The following DIP2C variants were observed in gnomAD, a reference collection of about 807,000 sequenced individuals.
The protein encoded by DIP2C is disco-interacting protein 2 homolog C.
DIP2C carries 33 observed loss-of-function variants against 192.4 expected under a neutral mutation model. That is an observed-to-expected ratio of 0.17 (90% confidence interval 0.13 to 0.23). The LOEUF (loss-of-function observed/expected upper bound fraction) is 0.23, where lower values mean the gene tolerates loss of function less well. Ranked by LOEUF, DIP2C falls within the 10% of genes least tolerant of loss-of-function variation. DIP2C has a pLI of 1.00. For synonymous variants in DIP2C, 979 were observed against 864.1 expected, an observed-to-expected ratio of 1.13 and a Z score of -2.33; for missense variants, 1,537 against 2,110.1, an observed-to-expected ratio of 0.73 and a Z score of 5.32.
chr10:591,830 A>G lies in DIP2C; in HGVS notation c.85+97664T>C, dbSNP rs539726359. ...AGAACTTCCACAGGATGAAACAGGG[A>G]CCTCTCCTCAGACGTCCCACAGTGC... On this transcript the variant is annotated intron_variant, in intron 1 of 36. Transcript: ENST00000280886. Among the ~76,000 whole-genome samples, 338 of 148,854 alleles carry G rather than the reference A, an allele frequency of 2.3e-3. 3 individuals are homozygous for G. The highest frequency in any genetic ancestry group is 8.5e-3 in the African/African-American group (327 of 38,320).
chr10:399,636 G>C lies in DIP2C; in HGVS notation c.1150-417C>G, dbSNP rs1964258306. On this transcript the variant is annotated intron_variant, in intron 9 of 36. Coordinates refer to ENST00000280886, the MANE Select transcript of DIP2C (RefSeq NM_014974.3). ...GGCAGTGTTTGGCTCTGGGATCTCA[G>C]GCACAATTGTGGCCTCTCTGAGCCT... Among the ~76,000 whole-genome samples the C allele has an allele frequency of 2.0e-5, 3 of 152,294 alleles. No homozygotes were observed. The South Asian group carries it at 6.2e-4, about 32-fold the overall frequency.
intron 1 of DIP2C, among the ~76,000 whole-genome samples, chr10:600,310 A>C (rs892193307): frequency 2.0e-5 from 3 of 152,322 alleles, no homozygotes; most frequent in African/African-American, 7.2e-5. Context: ...ACACAGCCTC[A>C]GCACAACCTC....
intron 32 of DIP2C, among the ~76,000 whole-genome samples, chr10:294,856 G>C (rs1955673541): frequency 6.6e-6 from 1 of 151,910 alleles, no homozygotes. Flanking sequence ...CACAGCAAAG[G>C]AAACAAAGTG....
Position 283,318 on chromosome 10 carries a change from G to T in DIP2C, c.4248C>A (p.Gly1416=), listed in dbSNP as rs763608800. The T allele has an allele frequency of 5.0e-6, 8 of 1,613,924 alleles. No individual in the cohort carries two copies. The highest frequency in any genetic ancestry group is 6.8e-6 in the Non-Finnish European group (8 of 1,179,970). ...CAGTTCTCCGCAGGAACCCCAAGTA[G>T]CCTGTGCGTGCCCAGATGGTCTGGG... ...GDTQTIWART[G]YLGFLRRTEL... The change falls in exon 35 of 37, where the codon GGC becomes GGA. Residue 1416 remains glycine (G), a synonymous_variant. Coordinates refer to ENST00000280886, the MANE Select transcript of DIP2C (RefSeq NM_014974.3).
intron 9 of DIP2C, 152 bp downstream of exon 9, chr10:408,774 C>A: frequency 1.5e-6 from 1 of 657,006 alleles, no homozygotes; most frequent in East Asian, 2.7e-5. Flanking sequence ...AGTATCTGTC[C>A]TGTGTAACTT....
chr10:661,608 A>G (rs896000638), intron 1 of DIP2C, among the ~76,000 whole-genome samples: 1 of 152,150 alleles, frequency 6.6e-6, no homozygotes, highest in African/African-American at 2.4e-5. Context: ...TGCACCGTGC[A>G]GCTCTTCTCT....
chr10:585,143 T>C (rs985520776), intron 1 of DIP2C, among the ~76,000 whole-genome samples: 5 of 152,170 alleles, frequency 3.3e-5, no homozygotes, highest in Admixed American at 3.3e-4. Context: ...AGGGTACTTT[T>C]CCCTCAACAC....
intron 5 of DIP2C, among the ~76,000 whole-genome samples, chr10:421,113 A>G (rs1966154828): frequency 6.6e-6 from 1 of 152,158 alleles, no homozygotes; most frequent in Admixed American, 6.5e-5. Flanking sequence ...AAAAATTTCA[A>G]AGTTACAGAA....
chr10:278,043 C>G (rs1308895840), intron 36 of DIP2C, among the ~76,000 whole-genome samples: 2 of 152,146 alleles, frequency 1.3e-5, no homozygotes, highest in African/African-American at 4.8e-5. Flanking sequence ...GGCAGGGGTG[C>G]CTACTCCTCT....
rs566298006 is a variant in DIP2C at position 356,260 on chromosome 10, A to G, written c.2985+166T>C. 3.8e-6 allele frequency: 3 copies of G among 783,142 alleles called. No homozygotes were observed. The East Asian group carries it at 7.9e-5, about 21-fold the overall frequency. The allele number at this position is 783,142 out of a possible 1,614,324, so 48.5% of individuals were successfully genotyped here. ...AATAACTGCACAAATGGTTACGTTT[A>G]AAAACAATCCCTAGGTACAAAAGTC... On this transcript the variant is annotated intron_variant, in intron 24 of 36. Coordinates refer to ENST00000280886, the MANE Select transcript of DIP2C (RefSeq NM_014974.3).
At chr10:333,281 T>A (rs985771790) in intron 29 of DIP2C, among the ~76,000 whole-genome samples, 1 of 152,222 alleles carries the variant, frequency 6.6e-6, no homozygotes, top group African/African-American at 2.4e-5. Flanking sequence ...AAGCACAGAA[T>A]GGCTTTTAAT....
At chr10:528,548 G>A (rs1422758360) in intron 1 of DIP2C, among the ~76,000 whole-genome samples, 1 of 152,212 alleles carries the variant, frequency 6.6e-6, no homozygotes, top group Non-Finnish European at 1.5e-5. Context: ...CTGGAGATGC[G>A]CTTTGTGCAC....
Position 491,953 on chromosome 10 carries a change from A to G in DIP2C, c.86-5423T>C, listed in dbSNP as rs183324062. Among the ~76,000 whole-genome samples, 49 of 152,262 alleles carry G rather than the reference A, an allele frequency of 3.2e-4. 1 individual carries two copies. In the Middle Eastern group the frequency reaches 0.01, roughly 32 times the overall value. On this transcript the variant is annotated intron_variant, in intron 1 of 36. Transcript: ENST00000280886. The stretch of plus-strand genomic sequence containing the variant: ...AAGAAGCTCAGAATCCTGACCCCAG[A>G]AAACAGGGGCTAGGAGGAATCTCAA...
intron 9 of DIP2C, among the ~76,000 whole-genome samples, chr10:408,564 C>T (rs78237889): frequency 6.6e-6 from 1 of 152,258 alleles, no homozygotes; most frequent in Non-Finnish European, 1.5e-5. Context: ...TAAATGATGT[C>T]TTTATGTAAT....
intron 9 of DIP2C, among the ~76,000 whole-genome samples, chr10:405,833 C>T (rs576422786): frequency 6.6e-5 from 10 of 152,328 alleles, no homozygotes; most frequent in African/African-American, 2.2e-4. Flanking sequence ...GGGCTCCTCA[C>T]ACAGCCGGCC....
At position 600,452 on chromosome 10, in the gene DIP2C, G is replaced by A. The variant is rs74115072; in HGVS notation, c.85+89042C>T. Reference sequence around the variant, plus strand: ...CAGCCCAGGGTGTGCAGATGCTCCGGAGCCACCCGACAGCCCTTTCCACCT... The same window carrying A: ...CAGCCCAGGGTGTGCAGATGCTCCGAAGCCACCCGACAGCCCTTTCCACCT... On this transcript the variant is annotated intron_variant, in intron 1 of 36. Coordinates refer to ENST00000280886, the MANE Select transcript of DIP2C (RefSeq NM_014974.3). Among the ~76,000 whole-genome samples the A allele has an allele frequency of 6.2e-3, 925 of 150,106 alleles. 15 individuals carry two copies. The highest frequency in any genetic ancestry group is 0.022 in the African/African-American group (880 of 39,510).
At chr10:534,357 C>G (rs374978696) in intron 1 of DIP2C, among the ~76,000 whole-genome samples, 1 of 152,218 alleles carries the variant, frequency 6.6e-6, no homozygotes, top group African/African-American at 2.4e-5. Context: ...AGGAGTTGGG[C>G]GGCAGGAGGG....
chr10:535,866 AAAAT>A (rs1185675510), intron 1 of DIP2C, among the ~76,000 whole-genome samples: 1 of 152,248 alleles, frequency 6.6e-6, no homozygotes, highest in Non-Finnish European at 1.5e-5. Context: ...GAATTAGGTC[AAAAT>A]AATTATTATA....
chr10:599,105 C>T (rs1851898814), intron 1 of DIP2C, among the ~76,000 whole-genome samples: 1 of 152,118 alleles, frequency 6.6e-6, no homozygotes, highest in South Asian at 2.1e-4. Context: ...CAGCCACTCT[C>T]CCAGCGTGGG....
Sources: allele counts gnomAD v4.1 joint callset (sites outside exome capture counted in the v4.1 genomes callset), GRCh38; gene constraint gnomAD v4.1.1; transcripts MANE v1.5; gene names NCBI Gene and HGNC (gene_info 2026-07-23, HGNC 2026-07-21).